FAM135A: variants seen among roughly 807,000 people sequenced by gnomAD.
The protein encoded by FAM135A is protein FAM135A.
Under a neutral mutation model 146.8 loss-of-function variants are expected in FAM135A, and 79 were observed. The observed-to-expected ratio is 0.54, with a 90% CI of 0.45 to 0.65. The LOEUF (loss-of-function observed/expected upper bound fraction) is 0.65. FAM135A is among the 30% of genes least tolerant of loss of function. The pLI, the probability that FAM135A is intolerant of heterozygous loss-of-function variation, is 0.00. For synonymous variants in FAM135A, 562 were observed against 603.6 expected (o/e 0.93, Z 1.01); for missense variants, 1,623 against 1,758.2 (o/e 0.92, Z 1.38).
Position 70,427,208 on chromosome 6 carries a change from T to C in FAM135A, c.-40+676T>C, listed in dbSNP as rs180825062. On this transcript the variant is annotated intron_variant, in intron 3 of 21. Transcript: ENST00000418814. ...GAAGTCACCCAACAATAGGGGATTG[T>C]TTAATTATAACATGTTCCCAGTGTC... 4.6e-5 allele frequency among the ~76,000 whole-genome samples: 7 copies of C among 152,268 alleles called. No individual in the cohort carries two copies. In the East Asian group the frequency reaches 1.4e-3, roughly 29 times the overall value.
At chr6:70,419,403 A>G (rs1215935613) in intron 2 of FAM135A, among the ~76,000 whole-genome samples, 6 of 144,398 alleles carry the variant, frequency 4.2e-5, no homozygotes, top group Non-Finnish European at 9.0e-5. Flanking sequence ...TGGGTGACAG[A>G]GCGAGACTTC....
At chr6:70,530,988 G>A (rs1485799257) in intron 16 of FAM135A, among the ~76,000 whole-genome samples, 1 of 152,084 alleles carries the variant, frequency 6.6e-6, no homozygotes, top group African/African-American at 2.4e-5. Context: ...GAGTTTTTAA[G>A]ATAAGAAAAC....
At chr6:70,484,911 G>A (rs1435083575) in intron 10 of FAM135A, among the ~76,000 whole-genome samples, 1 of 152,154 alleles carries the variant, frequency 6.6e-6, no homozygotes, top group East Asian at 1.9e-4. Context: ...TCTCTGGTGA[G>A]GATGGCTTTT....
chr6:70,491,722 A>G (rs1319406680), intron 11 of FAM135A, among the ~76,000 whole-genome samples: 1 of 151,940 alleles, frequency 6.6e-6, no homozygotes, highest in African/African-American at 2.4e-5. Context: ...TACGCAGGAT[A>G]CATCAGTTTT....
At chr6:70,493,197 AT>A (rs1259427904) in intron 11 of FAM135A, among the ~76,000 whole-genome samples, 1 of 152,086 alleles carries the variant, frequency 6.6e-6, no homozygotes, top group Non-Finnish European at 1.5e-5. Flanking sequence ...ATTGAAAAAA[AT>A]AAAGAAAAAT....
At chr6:70,422,885 A>C (rs935968221) in intron 2 of FAM135A, among the ~76,000 whole-genome samples, 1 of 152,208 alleles carries the variant, frequency 6.6e-6, no homozygotes, top group Non-Finnish European at 1.5e-5. Flanking sequence ...CTTTCATTTT[A>C]GTGGAGGAGA....
intron 12 of FAM135A, among the ~76,000 whole-genome samples, chr6:70,514,991 C>A (rs56361179): frequency 6.6e-6 from 1 of 152,194 alleles, no homozygotes; most frequent in East Asian, 1.9e-4. Context: ...ATATCCAACT[C>A]TAGCCTTCTG....
At chr6:70,512,871 T>C (rs79004475) in intron 12 of FAM135A, among the ~76,000 whole-genome samples, 1 of 151,866 alleles carries the variant, frequency 6.6e-6, no homozygotes, top group African/African-American at 2.4e-5. Flanking sequence ...ATGAAAAATA[T>C]TATTCTGTAT....
chr6:70,464,620 A>G (rs1446098081), intron 5 of FAM135A, among the ~76,000 whole-genome samples: 3 of 149,640 alleles, frequency 2.0e-5, no homozygotes, highest in Non-Finnish European at 4.4e-5. Context: ...ACAATATTTC[A>G]GTTATTTATT....
At chr6:70,481,967 G>T in intron 9 of FAM135A, 34 bp from the exon 10 acceptor site, 1 of 1,569,158 alleles carries the variant, frequency 6.4e-7, no homozygotes, top group Non-Finnish European at 8.6e-7. Context: ...TTGTATTACT[G>T]ACACTCTGTA....
chr6:70,513,606 A>G (rs1226004559), intron 12 of FAM135A, among the ~76,000 whole-genome samples: 2 of 151,926 alleles, frequency 1.3e-5, no homozygotes, highest in African/African-American at 2.4e-5. Flanking sequence ...TAAGCATTTT[A>G]TATTATCTGA....
chr6:70,480,962 T>C lies in FAM135A; in HGVS notation c.604T>C (p.Ser202Pro). 6.2e-7 allele frequency: 1 copy of C among 1,612,720 alleles called. No individual in the cohort carries two copies. Among genetic ancestry groups the C allele is most frequent in the Non-Finnish European group, 8.5e-7 (1 of 1,179,304 alleles). Residue 202 changes from serine to proline, a missense_variant, in exon 9 of 22, where the codon TCC becomes CCC. Ser to Pro is a moderately conservative substitution (Grantham distance 74, BLOSUM62 -1). Around this residue, in one of 7 missense-constraint regions of FAM135A, gnomAD observed 206 missense variants for 194.7 expected, o/e 1.06. Transcript: ENST00000418814. ...AAATGCACCAGCACAAAACAAAGATTCCGTGATTCCTACTCTTGAAAGTGT... is the reference window on the plus strand; with the variant it reads ...AAATGCACCAGCACAAAACAAAGATCCCGTGATTCCTACTCTTGAAAGTGT... ...NRNAPAQNKD[S>P]VIPTLESVVF...
At chr6:70,419,751 A>G (rs1355279149) in intron 2 of FAM135A, among the ~76,000 whole-genome samples, 1 of 152,222 alleles carries the variant, frequency 6.6e-6, no homozygotes, top group African/African-American at 2.4e-5. Flanking sequence ...CAGTTCTCAT[A>G]TGTCTCTCAT....
rs1582634209 is a variant in FAM135A, at chr6:70,507,902, G to A, written c.1029+5111G>A. ...TCTGAAATCATCCTGAATTTTATGT[G>A]TCAAGAACTGTAAAGAATCTTGAGA... On this transcript the variant is annotated intron_variant, in intron 12 of 21. Coordinates refer to ENST00000418814, the MANE Select transcript of FAM135A (RefSeq NM_001162529.3). Among the ~76,000 whole-genome samples, 10 of 152,192 alleles carry A rather than the reference G, an allele frequency of 6.6e-5. No individual in the cohort carries two copies. The South Asian group carries it at 1.9e-3, about 28-fold the overall frequency.
chr6:70,488,473 C>T (rs1438003304), intron 10 of FAM135A, among the ~76,000 whole-genome samples: 1 of 150,714 alleles, frequency 6.6e-6, no homozygotes, highest in East Asian at 2.0e-4. Context: ...AAGCCCCCCC[C>T]CCCAGAAATA....
intron 5 of FAM135A, among the ~76,000 whole-genome samples, chr6:70,459,478 T>G (rs1778998634): frequency 6.6e-6 from 1 of 152,150 alleles, no homozygotes; most frequent in Non-Finnish European, 1.5e-5. Flanking sequence ...CAATGAGTAT[T>G]TATAGAACTG....
At chr6:70,529,789 G>A (rs1374105732) in intron 16 of FAM135A, among the ~76,000 whole-genome samples, 2 of 152,178 alleles carry the variant, frequency 1.3e-5, no homozygotes, top group South Asian at 4.2e-4. Context: ...TGGGCCGGGC[G>A]CTGTGGCTTA....
At chr6:70,452,649 A>T (rs1777379185) in intron 5 of FAM135A, 78 bp downstream of exon 5, 1 of 982,222 alleles carries the variant, frequency 1.0e-6, no homozygotes, top group Non-Finnish European at 1.5e-6. Context: ...TTCATTACAG[A>T]TATAAGATAC....
chr6:70,529,430 T>C (rs1795357059), intron 16 of FAM135A, among the ~76,000 whole-genome samples: 2 of 149,488 alleles, frequency 1.3e-5, no homozygotes, highest in South Asian at 4.2e-4. Context: ...AAATTGGAGA[T>C]TTTTCTTTAA....
Sources: gnomAD v4.1 joint callset for allele counts (sites outside exome capture counted in the v4.1 genomes callset) on GRCh38, gnomAD v4.1.1 for gene constraint, gnomAD v4.1.1 regional missense constraint, MANE v1.5 for transcripts, NCBI Gene and HGNC (gene_info 2026-07-23, HGNC 2026-07-21) for gene names.